ZFHX3: variants seen among roughly 807,000 people sequenced by gnomAD.
ZFHX3 encodes zinc finger homeobox protein 3.
Under a neutral mutation model 279.1 loss-of-function variants are expected in ZFHX3, and 42 were observed. The ratio of observed to expected loss-of-function variants is 0.15; its 90% CI spans 0.12 to 0.19. The LOEUF (loss-of-function observed/expected upper bound fraction) is 0.19, where lower values mean the gene tolerates loss of function less well. Ranked by LOEUF, ZFHX3 falls within the 10% of genes least tolerant of loss-of-function variation. The probability of loss-of-function intolerance (pLI) is 1.00; values close to 1 mark genes in which losing one functional copy is unlikely to be tolerated. For missense variants in ZFHX3, 4,981 were observed against 4,754.0 expected (o/e 1.05, Z -1.40); for synonymous variants, 2,293 against 1,957.8 (o/e 1.17, Z -4.52).
At chr16:73,113,647 C>G (rs1168070559) in intron 7 of ZFHX3, among the ~76,000 whole-genome samples, 3 of 152,090 alleles carry the variant, frequency 2.0e-5, no homozygotes, top group Non-Finnish European at 4.4e-5. Flanking sequence ...AAGGAACATT[C>G]TAGAAGAGAT....
At chr16:72,803,686 A>T (rs1400490120) in intron 7 of ZFHX3, among the ~76,000 whole-genome samples, 5 of 152,246 alleles carry the variant, frequency 3.3e-5, no homozygotes, top group Admixed American at 3.3e-4. Flanking sequence ...TCTACATTGA[A>T]TGTACCATCC....
intron 3 of ZFHX3, among the ~76,000 whole-genome samples, chr16:73,403,096 G>A (rs549940387): frequency 6.6e-6 from 1 of 152,244 alleles, no homozygotes; most frequent in South Asian, 2.1e-4. Context: ...GCACGTGTGG[G>A]CGCACGGTCC....
intron 8 of ZFHX3, among the ~76,000 whole-genome samples, chr16:73,071,775 G>A (rs781216842): frequency 3.3e-5 from 5 of 152,236 alleles, no homozygotes; most frequent in Non-Finnish European, 7.3e-5. Context: ...GAGCCTCAAA[G>A]TGTTTATTTA....
At chr16:73,535,698 C>T (rs2019887661) in intron 2 of ZFHX3, among the ~76,000 whole-genome samples, 1 of 151,560 alleles carries the variant, frequency 6.6e-6, no homozygotes. Flanking sequence ...GAGGGTTGGC[C>T]CTTGGGTTCT....
chr16:73,859,298 G>A (rs190719086), intron 1 of ZFHX3, among the ~76,000 whole-genome samples: 57 of 152,298 alleles, frequency 3.7e-4, no homozygotes, highest in Middle Eastern at 3.4e-3. Context: ...TATGTTACCC[G>A]GCTGGGGAGT....
At chr16:73,460,474 T>A (rs1474151390) in intron 2 of ZFHX3, among the ~76,000 whole-genome samples, 1 of 152,246 alleles carries the variant, frequency 6.6e-6, no homozygotes, top group Non-Finnish European at 1.5e-5. Flanking sequence ...ATAAATGATC[T>A]TTGTGGTATA....
intron 2 of ZFHX3, among the ~76,000 whole-genome samples, chr16:73,562,147 T>C (rs892736785): frequency 7.9e-5 from 12 of 152,164 alleles, no homozygotes; most frequent in Non-Finnish European, 1.8e-4. Flanking sequence ...ATTTGGGCAA[T>C]GCATTTTGGA....
intron 2 of ZFHX3, among the ~76,000 whole-genome samples, chr16:73,516,635 T>A (rs550586222): frequency 2.4e-4 from 37 of 152,228 alleles, no homozygotes; most frequent in African/African-American, 8.7e-4. Context: ...TCAGAACCAA[T>A]ATACCCCAAA....
chr16:73,539,975 G>T (rs903340951), intron 2 of ZFHX3, among the ~76,000 whole-genome samples: 1 of 152,198 alleles, frequency 6.6e-6, no homozygotes, highest in Non-Finnish European at 1.5e-5. Flanking sequence ...CTCTGCTAAG[G>T]ACATGTGTGC....
intron 3 of ZFHX3, among the ~76,000 whole-genome samples, chr16:73,349,612 TCCTC>T: frequency 8.9e-6 from 1 of 112,894 alleles, no homozygotes; most frequent in African/African-American, 5.0e-5. Flanking sequence ...CTCCCTTACT[TCCTC>T]CCTCCCTTCC....
chr16:73,201,299 G>T (rs1968263457), intron 5 of ZFHX3, among the ~76,000 whole-genome samples: 1 of 152,222 alleles, frequency 6.6e-6, no homozygotes, highest in African/African-American at 2.4e-5. Context: ...CAAACACAGA[G>T]GAAAACAGAA....
At chr16:73,260,777 G>C (rs2144967755) in intron 4 of ZFHX3, among the ~76,000 whole-genome samples, 1 of 142,908 alleles carries the variant, frequency 7.0e-6, no homozygotes, top group East Asian at 2.5e-4. Flanking sequence ...CCGCCTCCCG[G>C]GTTTAAACAA....
At chr16:73,180,945 G>C (rs750914856) in intron 5 of ZFHX3, among the ~76,000 whole-genome samples, 2 of 152,162 alleles carry the variant, frequency 1.3e-5, no homozygotes, top group Non-Finnish European at 2.9e-5. Flanking sequence ...TTACAGGCGT[G>C]AGCCACCGCG....
chr16:72,853,371 C>A (rs938300037), intron 4 of ZFHX3, among the ~76,000 whole-genome samples: 7 of 152,200 alleles, frequency 4.6e-5, no homozygotes, highest in East Asian at 1.9e-4. Context: ...GGGAATAACA[C>A]CACAAAAGTA....
Position 72,796,469 on chromosome 16 carries a change from G to A in ZFHX3, c.6213C>T (p.Ile2071=). 2 of 1,604,638 alleles carry A rather than the reference G, an allele frequency of 1.2e-6. No homozygotes were observed. The highest frequency in any genetic ancestry group is 8.5e-7 in the Non-Finnish European group (1 of 1,177,988). The change falls in exon 9 of 10, where the codon ATC becomes ATT. Residue 2071 remains isoleucine, a synonymous_variant. Transcript: ENST00000268489. ...TPAIPASAPP[I]TSPTIAPAQP... is the part of the protein sequence containing the mutation. ...GGGCCGGTGCAATTGTAGGTGAGGT[G>A]ATGGGTGGGGCTGATGCGGGGATGG...
chr16:73,528,132 T>C (rs541181862), intron 2 of ZFHX3, among the ~76,000 whole-genome samples: 29 of 152,188 alleles, frequency 1.9e-4, no homozygotes, highest in Non-Finnish European at 3.5e-4. Flanking sequence ...AGCTTTGACA[T>C]ATGGGAAACA....
At chr16:73,598,263 T>C (rs2052072830) in intron 2 of ZFHX3, among the ~76,000 whole-genome samples, 1 of 152,120 alleles carries the variant, frequency 6.6e-6, no homozygotes, top group African/African-American at 2.4e-5. Flanking sequence ...TGTTGTTTTC[T>C]CTCCATCAAA....
intron 3 of ZFHX3, among the ~76,000 whole-genome samples, chr16:72,943,738 G>T (rs2144357613): frequency 6.6e-6 from 1 of 152,238 alleles, no homozygotes; most frequent in South Asian, 2.1e-4. Flanking sequence ...TTTCTGAAAG[G>T]CCACTGGGAA....
intron 3 of ZFHX3, among the ~76,000 whole-genome samples, chr16:72,899,793 A>T (rs548695025): frequency 3.5e-4 from 54 of 152,350 alleles, no homozygotes; most frequent in African/African-American, 1.3e-3. Context: ...GATAATTCAT[A>T]TAAAATGTGT....
Sources: gnomAD v4.1 joint callset for allele counts (sites outside exome capture counted in the v4.1 genomes callset) on GRCh38, gnomAD v4.1.1 for gene constraint, MANE v1.5 for transcripts, NCBI Gene and HGNC (gene_info 2026-07-23, HGNC 2026-07-21) for gene names.